TBX15: variants seen among roughly 807,000 people sequenced by gnomAD.
The protein encoded by TBX15 is T-box transcription factor 15.
TBX15 carries 18 observed loss-of-function variants against 53.9 expected under a neutral mutation model. That is an observed-to-expected ratio of 0.33 (90% CI 0.23 to 0.49). The LOEUF is 0.49. TBX15 is among the 20% of genes least tolerant of loss of function. TBX15 has a pLI of 0.98. For missense variants in TBX15, 692 were observed against 749.5 expected, an observed-to-expected ratio of 0.92 and a Z score of 0.90; for synonymous variants, 295 against 278.0, an observed-to-expected ratio of 1.06 and a Z score of -0.61.
At chr1:118,962,605 A>G (rs1479980340) in intron 1 of TBX15, among the ~76,000 whole-genome samples, 1 of 152,214 alleles carries the variant, frequency 6.6e-6, no homozygotes, top group Non-Finnish European at 1.5e-5. Flanking sequence ...ATACTAGTGT[A>G]TCATATCAAA....
At chr1:118,921,941 C>T (rs962862721) in intron 5 of TBX15, among the ~76,000 whole-genome samples, 1 of 152,212 alleles carries the variant, frequency 6.6e-6, no homozygotes, top group African/African-American at 2.4e-5. Flanking sequence ...ACAATTTATG[C>T]TACCTGGCAT....
intron 1 of TBX15, among the ~76,000 whole-genome samples, chr1:118,933,220 G>C (rs1205937814): frequency 6.6e-6 from 1 of 152,090 alleles, no homozygotes; most frequent in African/African-American, 2.4e-5. Flanking sequence ...TCTCTGGCAA[G>C]AATATCTAAC....
At chr1:118,953,297 TA>T (rs1656579242) in intron 1 of TBX15, among the ~76,000 whole-genome samples, 1 of 152,098 alleles carries the variant, frequency 6.6e-6, no homozygotes, top group African/African-American at 2.4e-5. Context: ...CAACCAAACG[TA>T]AAATACAAGA....
chr1:118,915,494 T>C (rs1779454), intron 5 of TBX15, among the ~76,000 whole-genome samples: 26,253 of 152,188 alleles, frequency 0.17, 2,506 homozygotes, highest in Middle Eastern at 0.32. Flanking sequence ...GCCTTTAAAA[T>C]TGCACACTAA....
intron 7 of TBX15, among the ~76,000 whole-genome samples, chr1:118,890,494 C>G (rs996537870): frequency 6.6e-6 from 1 of 152,056 alleles, no homozygotes; most frequent in Non-Finnish European, 1.5e-5. Context: ...CCTATTTTAC[C>G]CATGGGCCAA....
At chr1:118,930,281 T>C (rs1049904871) in intron 2 of TBX15, among the ~76,000 whole-genome samples, 11 of 152,222 alleles carry the variant, frequency 7.2e-5, no homozygotes, top group Admixed American at 5.9e-4. Context: ...GCGATTTTTG[T>C]TCCCCATGAC....
intron 1 of TBX15, among the ~76,000 whole-genome samples, chr1:118,947,514 G>A (rs1656384556): frequency 6.6e-6 from 1 of 152,178 alleles, no homozygotes; most frequent in Admixed American, 6.5e-5. Context: ...ATTTAACCCT[G>A]TGGTGCCTCA....
At position 118,895,031 on chromosome 1, in the gene TBX15, G is replaced by A. The variant is rs140702315; in HGVS notation, c.1024+3997C>T. ...GCTATGTTTTTATCATTACAGTGAC[G>A]TCATAGTTCAATGGCTCATGTCCAC... On this transcript the variant is annotated intron_variant, in intron 7 of 7. Transcript: ENST00000369429. 1.2e-3 allele frequency among the ~76,000 whole-genome samples: 189 copies of A among 152,268 alleles called. 1 individual carries two copies. Among genetic ancestry groups the A allele is most frequent in the African/African-American group, 4.2e-3 (175 of 41,554 alleles).
chr1:118,943,962 C>G (rs368423831), intron 1 of TBX15, among the ~76,000 whole-genome samples: 1 of 152,112 alleles, frequency 6.6e-6, no homozygotes. Context: ...AAAACTTCAC[C>G]TCATCCACCA....
At chr1:118,904,496 A>G (rs1557877546) in intron 6 of TBX15, among the ~76,000 whole-genome samples, 1 of 152,224 alleles carries the variant, frequency 6.6e-6, no homozygotes, top group Non-Finnish European at 1.5e-5. Flanking sequence ...AAATAGTACC[A>G]TAAGTATATC....
At chr1:118,908,507 G>T (rs1379944481) in intron 6 of TBX15, among the ~76,000 whole-genome samples, 1 of 152,064 alleles carries the variant, frequency 6.6e-6, no homozygotes, top group Non-Finnish European at 1.5e-5. Context: ...ACAGCTACAG[G>T]CCTGATAATA....
At chr1:118,977,309 A>G (rs1657467308) in intron 1 of TBX15, among the ~76,000 whole-genome samples, 1 of 152,252 alleles carries the variant, frequency 6.6e-6, no homozygotes, top group African/African-American at 2.4e-5. Context: ...ACATATATAT[A>G]TATAGCACAG....
chr1:118,985,848 C>T (rs571576563), intron 1 of TBX15, among the ~76,000 whole-genome samples: 1 of 152,226 alleles, frequency 6.6e-6, no homozygotes, highest in East Asian at 1.9e-4. Context: ...CAGGTTCACG[C>T]TCTGGAATGG....
rs1206552401 is a variant in TBX15, at chr1:118,885,205, G to A, written c.1336C>T (p.Leu446=). ...ETFMPQRTPS[L]ISGIPTPPSL... ...GGAGGAGTTGGTATTCCTGAGATCAGGGATGGAGTCCTCTGAGGCATGAAG... is the reference window on the plus strand; with the variant it reads ...GGAGGAGTTGGTATTCCTGAGATCAAGGATGGAGTCCTCTGAGGCATGAAG... The change falls in exon 8 of 8, where the codon CTG becomes TTG. Residue 446 remains leucine, a synonymous_variant. Transcript: ENST00000369429. 6.2e-7 allele frequency: 1 copy of A among 1,614,194 alleles called. No homozygotes were observed. The highest frequency in any genetic ancestry group is 1.3e-5 in the African/African-American group (1 of 75,044).
intron 1 of TBX15, among the ~76,000 whole-genome samples, chr1:118,982,433 G>A: frequency 6.6e-6 from 1 of 152,286 alleles, no homozygotes; most frequent in East Asian, 1.9e-4. Context: ...CCCTAAGAGA[G>A]GACTGGATGA....
intron 1 of TBX15, among the ~76,000 whole-genome samples, chr1:118,962,382 G>T (rs900191884): frequency 6.6e-6 from 1 of 151,972 alleles, no homozygotes; most frequent in Non-Finnish European, 1.5e-5. Context: ...TTCAGCTGAT[G>T]ATAAGGGTAA....
intron 1 of TBX15, among the ~76,000 whole-genome samples, chr1:118,968,263 GGAGTGCAGTGGCGT>G (rs1318212132): frequency 6.6e-6 from 1 of 152,128 alleles, no homozygotes. Context: ...CACCCAGGCT[GGAGTGCAGTGGCGT>G]GATCTTGGCT....
chr1:118,944,803 G>T (rs887291828), intron 1 of TBX15, among the ~76,000 whole-genome samples: 1 of 152,190 alleles, frequency 6.6e-6, no homozygotes, highest in African/African-American at 2.4e-5. Flanking sequence ...GACCCAGCCT[G>T]AACTGTATTT....
In TBX15 at chr1:118,945,681, T is replaced by C. The variant is rs185511581; in HGVS notation, c.206-13849A>G. On this transcript the variant is annotated intron_variant, in intron 1 of 7. Transcript: ENST00000369429. ...CATCTAATCCATTCAAGGATTATTT[T>C]CCCCCCCTACTGTTCAGATGGGTGT... is the stretch of plus-strand genomic sequence containing the variant. Among the ~76,000 whole-genome samples, 384 of 152,200 alleles carry C rather than the reference T, an allele frequency of 2.5e-3. 1 individual carries two copies. The highest frequency in any genetic ancestry group is 8.0e-3 in the African/African-American group (333 of 41,526).
Sources: allele counts gnomAD v4.1 joint callset (sites outside exome capture counted in the v4.1 genomes callset), GRCh38; gene constraint gnomAD v4.1.1; transcripts MANE v1.5; gene names NCBI Gene and HGNC (gene_info 2026-07-23, HGNC 2026-07-21).